Variants in HMGN3 observed in about 807,000 individuals in gnomAD.
HMGN3 encodes the protein high mobility group nucleosome-binding domain-containing protein 3.
HMGN3 carries 6 observed loss-of-function variants against 18.8 expected under a neutral mutation model. The ratio of observed to expected loss-of-function variants is 0.32; its 90% confidence interval spans 0.18 to 0.63. HMGN3 has a LOEUF of 0.63. Among genes scored for constraint, HMGN3 ranks in the 30% least tolerant of loss-of-function variants. The pLI, the probability that HMGN3 is intolerant of heterozygous loss-of-function variation, is 0.79. For synonymous variants in HMGN3, 40 were observed against 36.5 expected (o/e 1.10, Z -0.35); for missense variants, 107 against 114.2 (o/e 0.94, Z 0.29).
At position 79,202,427 on chromosome 6, in the gene HMGN3, G is replaced by A. The variant is rs758327396; in HGVS notation, c.148-38C>T. ...CAAAGCACAGTGAAAGAGAATGTTAGACACGGTGTGATGATGGCTAAAATC... is the reference window on the plus strand; with the variant it reads ...CAAAGCACAGTGAAAGAGAATGTTAAACACGGTGTGATGATGGCTAAAATC... On this transcript the variant is annotated intron_variant, in intron 4 of 5. Transcript: ENST00000344726. The A allele has an allele frequency of 1.0e-4, 155 of 1,492,318 alleles. 2 individuals carry two copies. The South Asian group carries it at 1.7e-3, about 16-fold the overall frequency. The allele number at this position is 1,492,318 out of a possible 1,614,324, so 92.4% of individuals were successfully genotyped here.
At chr6:79,220,095 C>T (rs989594448) in intron 1 of HMGN3, among the ~76,000 whole-genome samples, 2 of 151,946 alleles carry the variant, frequency 1.3e-5, no homozygotes, top group African/African-American at 2.4e-5. Context: ...GAAGTGGGGT[C>T]GGTAGATAAG....
intron 1 of HMGN3, among the ~76,000 whole-genome samples, chr6:79,229,401 A>G (rs946577928): frequency 1.3e-5 from 2 of 152,232 alleles, no homozygotes; most frequent in African/African-American, 4.8e-5. Flanking sequence ...CATTTCACAT[A>G]TGATACACAT....
rs1776907940 is a variant in HMGN3 at position 79,215,097 on chromosome 6, T to C, written c.16-75A>G. On this transcript the variant is annotated intron_variant, in intron 1 of 5. Coordinates refer to ENST00000344726, the Ensembl canonical transcript of HMGN3. ...TTAGAAAAATGTTTTTAAAAAGTTA[T>C]CTCATTCCCAGGACAAGACAAGCCA... is the stretch of plus-strand genomic sequence containing the variant. The C allele has an allele frequency of 1.1e-5, 10 of 888,294 alleles. No individual in the cohort carries two copies. The East Asian group carries it at 1.3e-4, about 11-fold the overall frequency. The allele number at this position is 888,294 out of a possible 1,614,324, so 55.0% of individuals were successfully genotyped here.
intron 1 of HMGN3, among the ~76,000 whole-genome samples, chr6:79,229,224 T>C (rs1222909867): frequency 1.3e-5 from 2 of 152,218 alleles, no homozygotes; most frequent in East Asian, 3.8e-4. Context: ...TAAAAACTTT[T>C]GTTCTTCAAA....
intron 2 of HMGN3, among the ~76,000 whole-genome samples, chr6:79,212,468 T>C (rs750719703): frequency 1.3e-5 from 2 of 152,240 alleles, no homozygotes; most frequent in Non-Finnish European, 2.9e-5. Flanking sequence ...CGATTTTTGC[T>C]TCTTTTGTTC....
intron 1 of HMGN3, 41 bp from the exon 2 acceptor site, chr6:79,215,063 A>G (rs780385376): frequency 1.8e-6 from 2 of 1,120,640 alleles, no homozygotes; most frequent in South Asian, 2.7e-5. Context: ...TTAAATTGGA[A>G]AACACACATT....
At chr6:79,219,324 C>A (rs1227250217) in intron 1 of HMGN3, among the ~76,000 whole-genome samples, 1 of 152,040 alleles carries the variant, frequency 6.6e-6, no homozygotes, top group African/African-American at 2.4e-5. Flanking sequence ...AGGAAAACTG[C>A]CAACCTAGAA....
rs556101932 is a variant in HMGN3 at position 79,220,739 on chromosome 6, G to A, written c.16-5717C>T. On this transcript the variant is annotated intron_variant, in intron 1 of 5. Coordinates refer to ENST00000344726, the Ensembl canonical transcript of HMGN3. ...TGAGATTACAGGTGTGAGCCACCACGCCCCACCACTTATACAAATTTTAGA... is the reference window on the plus strand; with the variant it reads ...TGAGATTACAGGTGTGAGCCACCACACCCCACCACTTATACAAATTTTAGA... Among the ~76,000 whole-genome samples, 9 of 152,238 alleles carry A rather than the reference G, an allele frequency of 5.9e-5. No homozygotes were observed. In the East Asian group the frequency reaches 9.7e-4, roughly 16 times the overall value.
chr6:79,211,052 C>G (rs16890472), intron 2 of HMGN3, among the ~76,000 whole-genome samples: 2,536 of 143,310 alleles, frequency 0.018, 84 homozygotes, highest in African/African-American at 0.061. Flanking sequence ...CTGTCTAAAC[C>G]AGCCAGTACC....
intron 1 of HMGN3, among the ~76,000 whole-genome samples, chr6:79,221,910 C>CATGTAGTACCAATTCATTGGTAT (rs1258107971): frequency 1.3e-5 from 2 of 152,100 alleles, no homozygotes; most frequent in Admixed American, 6.5e-5. Flanking sequence ...TTCATTGGTA[C>CATGTAGTACCAATTCATTGGTAT]ATGTATTGGT....
chr6:79,219,552 G>A (rs950492919), intron 1 of HMGN3, among the ~76,000 whole-genome samples: 9 of 152,040 alleles, frequency 5.9e-5, no homozygotes, highest in East Asian at 3.9e-4. Flanking sequence ...ACCACTAATC[G>A]TAAACAACAT....
At chr6:79,229,857 G>C (rs1315703301) in intron 1 of HMGN3, among the ~76,000 whole-genome samples, 2 of 151,922 alleles carry the variant, frequency 1.3e-5, no homozygotes, top group Non-Finnish European at 2.9e-5. Context: ...CAGCCTGGGC[G>C]ACTGAGCCAG....
At chr6:79,218,731 C>A (rs1257224979) in intron 1 of HMGN3, among the ~76,000 whole-genome samples, 1 of 152,040 alleles carries the variant, frequency 6.6e-6, no homozygotes, top group Non-Finnish European at 1.5e-5. Context: ...ATTTCTTAAG[C>A]TAGATGGTGG....
intron 3 of HMGN3, among the ~76,000 whole-genome samples, chr6:79,206,672 G>A (rs574204558): frequency 2.0e-5 from 3 of 152,364 alleles, no homozygotes; most frequent in Non-Finnish European, 4.4e-5. Context: ...CTCACACAGA[G>A]TCCCTACTGG....
At chr6:79,217,272 T>G (rs35233121) in intron 1 of HMGN3, among the ~76,000 whole-genome samples, 7,201 of 152,256 alleles carry the variant, frequency 0.047, 196 homozygotes, top group South Asian at 0.1. Context: ...CAATCAATCT[T>G]TACCGGGGAT....
chr6:79,217,860 T>C (rs907264427), intron 1 of HMGN3, among the ~76,000 whole-genome samples: 9 of 152,190 alleles, frequency 5.9e-5, no homozygotes, highest in African/African-American at 2.2e-4. Context: ...GGGGTGGATA[T>C]AGGGGATCTC....
chr6:79,220,919 G>A (rs1255999224), intron 1 of HMGN3, among the ~76,000 whole-genome samples: 2 of 152,092 alleles, frequency 1.3e-5, no homozygotes, highest in Non-Finnish European at 1.5e-5. Flanking sequence ...AAAGGAAACT[G>A]AACTTTAATA....
At chr6:79,218,710 G>C (rs574426566) in intron 1 of HMGN3, among the ~76,000 whole-genome samples, 1 of 152,146 alleles carries the variant, frequency 6.6e-6, no homozygotes, top group African/African-American at 2.4e-5. Flanking sequence ...AAAGTCATTG[G>C]TAAGAGTTAT....
At chr6:79,201,576 T>G in exon 6 of HMGN3, 1 of 732,198 alleles carries the variant, frequency 1.4e-6, no homozygotes, top group East Asian at 2.5e-5. Context: ...TATTTTCGTA[T>G]GCCAACTAGT....
Sources: gnomAD v4.1 joint callset for allele counts (sites outside exome capture counted in the v4.1 genomes callset) on GRCh38, gnomAD v4.1.1 for gene constraint, MANE v1.5 for transcripts, NCBI Gene and HGNC (gene_info 2026-07-23, HGNC 2026-07-21) for gene names.